Variants in BCR observed in about 807,000 individuals in gnomAD.
The protein encoded by BCR is breakpoint cluster region protein.
A neutral mutation model predicts 138.6 loss-of-function variants in BCR; 58 were observed. The ratio of observed to expected loss-of-function variants is 0.42; its 90% CI spans 0.34 to 0.52. BCR has a LOEUF of 0.52. Ranked by LOEUF, BCR falls within the 20% of genes least tolerant of loss-of-function variation. The pLI is 0.06. For missense variants in BCR, 1,599 were observed against 1,727.2 expected, an observed-to-expected ratio of 0.93 and a Z score of 1.32; for synonymous variants, 786 against 730.1, an observed-to-expected ratio of 1.08 and a Z score of -1.23.
chr22:23,311,517 T>TGAGGACAGAGCTTGCAGAGG (rs2074007638), intron 18 of BCR, among the ~76,000 whole-genome samples, 180 bp from the exon 19 acceptor site: 1 of 152,018 alleles, frequency 6.6e-6, no homozygotes, highest in African/African-American at 2.4e-5. Flanking sequence ...GTACATGCCA[T>TGAGGACAGAGCTTGCAGAGG]GAGGACAGAG....
intron 1 of BCR, among the ~76,000 whole-genome samples, chr22:23,195,192 A>G (rs778820966): frequency 1.9e-4 from 29 of 151,422 alleles, no homozygotes; most frequent in East Asian, 5.9e-4. Flanking sequence ...AGGCCGAGGC[A>G]GGCGGATCAC....
intron 7 of BCR, 22 bp downstream of exon 7, chr22:23,273,155 G>T: frequency 6.2e-7 from 1 of 1,611,380 alleles, no homozygotes. Context: ...CGCCCCTCTG[G>T]ACCGGGACCA....
At chr22:23,218,388 C>T (rs866352251) in intron 1 of BCR, among the ~76,000 whole-genome samples, 1 of 152,238 alleles carries the variant, frequency 6.6e-6, no homozygotes, top group African/African-American at 2.4e-5. Flanking sequence ...AGCTCTTAAT[C>T]AGACAATATC....
intron 16 of BCR, chr22:23,302,445 G>T (rs551650964): frequency 4.6e-5 from 7 of 152,398 alleles, no homozygotes; most frequent in South Asian, 2.1e-4. Flanking sequence ...CTCACCTCAC[G>T]GGAGGGTCTC....
At chr22:23,296,354 A>T (rs1258248215) in intron 16 of BCR, among the ~76,000 whole-genome samples, 16 of 146,342 alleles carry the variant, frequency 1.1e-4, no homozygotes, top group African/African-American at 4.1e-4. Flanking sequence ...AGCCTGGGTG[A>T]CAGAGCGAGA....
At chr22:23,224,860 C>T (rs553733075) in intron 1 of BCR, among the ~76,000 whole-genome samples, 30 of 152,212 alleles carry the variant, frequency 2.0e-4, no homozygotes, top group African/African-American at 6.3e-4. Flanking sequence ...CCATCCTGGG[C>T]GACAGAGCAA....
At chr22:23,217,661 C>A (rs2072772297) in intron 1 of BCR, among the ~76,000 whole-genome samples, 1 of 152,232 alleles carries the variant, frequency 6.6e-6, no homozygotes, top group South Asian at 2.1e-4. Flanking sequence ...GTCAATCCTT[C>A]AGGCTCCTTT....
At chr22:23,283,742 A>C in intron 8 of BCR, 4 of 495,294 alleles carry the variant, frequency 8.1e-6, no homozygotes, top group Non-Finnish European at 1.0e-5. Flanking sequence ...CACAGGAGGG[A>C]TTGGGAAATT....
chr22:23,282,894 C>G lies in BCR; in HGVS notation c.2116-1083C>G, dbSNP rs142941862. ...CTCTCTGCCACGAGGTTGTGGACTC[C>G]TGAGGGTAGAGGCCTGTGAATGTTA... On this transcript the variant is annotated intron_variant, in intron 8 of 22. Coordinates refer to ENST00000305877, the MANE Select transcript of BCR (RefSeq NM_004327.4). Among the ~76,000 whole-genome samples, 159 of 152,312 alleles carry G rather than the reference C, an allele frequency of 1.0e-3. 1 individual carries two copies. Among genetic ancestry groups the G allele is most frequent in the Non-Finnish European group, 1.4e-3 (93 of 68,020 alleles).
chr22:23,310,927 A>G (rs2074000448), intron 18 of BCR, among the ~76,000 whole-genome samples: 1 of 150,142 alleles, frequency 6.7e-6, no homozygotes, highest in Admixed American at 6.6e-5. Flanking sequence ...GTGTCTAAAC[A>G]CCACGCCCCA....
At chr22:23,300,640 C>T (rs910126187) in intron 16 of BCR, among the ~76,000 whole-genome samples, 3 of 152,192 alleles carry the variant, frequency 2.0e-5, no homozygotes, top group Non-Finnish European at 2.9e-5. Context: ...ATGGGTGGAC[C>T]TCACTGCGTG....
chr22:23,310,492 T>C, intron 18 of BCR, 59 bp downstream of exon 18: 2 of 735,974 alleles, frequency 2.7e-6, no homozygotes, highest in Non-Finnish European at 4.9e-6. Flanking sequence ...CAGCTGTTTC[T>C]GCAGAAAAGA....
At position 23,261,022 on chromosome 22, in the gene BCR, A is replaced by G. The variant is rs2073350673; in HGVS notation, c.1534A>G (p.Thr512Ala). 1.2e-6 allele frequency: 2 copies of G among 1,613,818 alleles called. No individual in the cohort carries two copies. The highest frequency in any genetic ancestry group is 1.1e-5 in the South Asian group (1 of 91,074). Residue 512 changes from threonine to alanine, a missense_variant, in exon 3 of 23, where the codon ACT (threonine) becomes GCT (alanine). Coordinates refer to ENST00000305877, the MANE Select transcript of BCR (RefSeq NM_004327.4). ...VLSGILASEE[T>A]YLSHLEALLL... The stretch of plus-strand genomic sequence containing the variant: ...GTCGGGAATCCTGGCTAGCGAGGAG[A>G]CTTACCTGAGCCACCTGGAGGCACT...
intron 9 of BCR, among the ~76,000 whole-genome samples, 178 bp from the exon 10 acceptor site, chr22:23,284,855 G>A (rs540916406): frequency 6.6e-6 from 1 of 152,340 alleles, no homozygotes. Context: ...TCTGTTCCCA[G>A]GAATCCTGGC....
intron 2 of BCR, among the ~76,000 whole-genome samples, chr22:23,257,351 C>T (rs2073305713): frequency 6.6e-6 from 1 of 152,256 alleles, no homozygotes; most frequent in African/African-American, 2.4e-5. Flanking sequence ...GTTTTTCCTC[C>T]TGGCTTTCCA....
chr22:23,310,270 T>C (rs1364815842), intron 17 of BCR, 54 bp from the exon 18 acceptor site: 9 of 921,554 alleles, frequency 9.8e-6, no homozygotes, highest in Non-Finnish European at 1.6e-5. Context: ...CTTGGGACCT[T>C]GGGCTATGAG....
intron 1 of BCR, among the ~76,000 whole-genome samples, chr22:23,182,678 C>T (rs539918308): frequency 2.2e-4 from 33 of 152,186 alleles, no homozygotes; most frequent in Non-Finnish European, 3.8e-4. Flanking sequence ...TGGGCATTCC[C>T]CGCCACCCCA....
intron 1 of BCR, among the ~76,000 whole-genome samples, chr22:23,222,683 G>A (rs1314110931): frequency 6.6e-6 from 1 of 152,092 alleles, no homozygotes; most frequent in Non-Finnish European, 1.5e-5. Flanking sequence ...GACCAGACGT[G>A]GGCTATGTTG....
At chr22:23,263,213 C>G (rs1179492299) in intron 4 of BCR, 2 of 949,734 alleles carry the variant, frequency 2.1e-6, no homozygotes, top group Admixed American at 2.7e-5. Flanking sequence ...GGCCAGCGCT[C>G]TGGCGCCTGC....
Sources: gnomAD v4.1 joint callset for allele counts (sites outside exome capture counted in the v4.1 genomes callset) on GRCh38, gnomAD v4.1.1 for gene constraint, MANE v1.5 for transcripts, NCBI Gene and HGNC (gene_info 2026-07-23, HGNC 2026-07-21) for gene names.